SLC9C1: variants seen among roughly 807,000 people sequenced by gnomAD.
SLC9C1 encodes the protein solute carrier family 9 member C1, also known as sodium/hydrogen exchanger 10.
Under a neutral mutation model 140.9 loss-of-function variants are expected in SLC9C1, and 97 were observed. That is an observed-to-expected ratio of 0.69 (90% CI 0.58 to 0.82). The LOEUF (loss-of-function observed/expected upper bound fraction) is 0.82, where lower values mean the gene tolerates loss of function less well. SLC9C1 is among the 40% of genes least tolerant of loss of function. SLC9C1 has a pLI of 0.00. For synonymous variants in SLC9C1, 440 were observed against 442.6 expected (o/e 0.99, Z 0.07); for missense variants, 1,340 against 1,389.3 (o/e 0.96, Z 0.56).
chr3:112,166,669 T>C (rs1011124833), intron 26 of SLC9C1, among the ~76,000 whole-genome samples: 2 of 152,148 alleles, frequency 1.3e-5, no homozygotes, highest in Admixed American at 6.5e-5. Context: ...ATCAATTAAA[T>C]TCTATTATTA....
intron 10 of SLC9C1, among the ~76,000 whole-genome samples, 189 bp from the exon 11 acceptor site, chr3:112,244,265 A>C (rs111744024): frequency 4.6e-4 from 70 of 152,320 alleles, no homozygotes; most frequent in African/African-American, 1.6e-3. Flanking sequence ...ATCTTCCTGC[A>C]TGTAATTCAT....
chr3:112,173,350 C>G (rs549242476), intron 23 of SLC9C1, among the ~76,000 whole-genome samples: 1 of 152,190 alleles, frequency 6.6e-6, no homozygotes, highest in Admixed American at 6.5e-5. Flanking sequence ...TCGCAGGGAT[C>G]TGGTGTACAG....
intron 7 of SLC9C1, among the ~76,000 whole-genome samples, chr3:112,266,557 C>T (rs1487316169): frequency 6.6e-6 from 1 of 152,128 alleles, no homozygotes; most frequent in Non-Finnish European, 1.5e-5. Context: ...ATAAAGCCTA[C>T]TATGGGCATC....
At chr3:112,265,438 T>C (rs1479164785) in intron 8 of SLC9C1, among the ~76,000 whole-genome samples, 1 of 152,178 alleles carries the variant, frequency 6.6e-6, no homozygotes, top group Non-Finnish European at 1.5e-5. Context: ...CATGGAATTT[T>C]ATTGAAGTGC....
rs1478522887 is a variant in SLC9C1 at position 112,192,044 on chromosome 3, C to A, written c.2523+7277G>T. On this transcript the variant is annotated intron_variant, in intron 20 of 28. Transcript: ENST00000305815. ...TCTTAATATTTAGTAGAGCAAACAT[C>A]CCTCTCACTGTTTTTTTCCATTTTT... Among the ~76,000 whole-genome samples, 5 of 144,682 alleles carry A rather than the reference C, an allele frequency of 3.5e-5. No individual in the cohort carries two copies. In the East Asian group the frequency reaches 1.1e-3, roughly 31 times the overall value. 94.9% of individuals were successfully genotyped at this position (144,682 alleles called of 152,430 possible).
At chr3:112,284,995 T>C (rs1012595332) in intron 2 of SLC9C1, among the ~76,000 whole-genome samples, 1 of 140,524 alleles carries the variant, frequency 7.1e-6, no homozygotes, top group African/African-American at 2.6e-5. Context: ...CTTTTTTTTT[T>C]TTTTTTTTTG....
At position 112,208,360 on chromosome 3, in the gene SLC9C1, G is replaced by GA. The variant is rs750369499; in HGVS notation, c.1803dup (p.Arg602SerfsTer10). The GA allele has an allele frequency of 2.1e-5, 33 of 1,540,422 alleles. No individual in the cohort carries two copies. Among genetic ancestry groups the GA allele is most frequent in the Non-Finnish European group, 1.7e-5 (20 of 1,145,044 alleles). ...GTAAATACTATTGTATGGCATATAC[G>GA]AAAAAAGAAGTATCTGTAAAACAAA... is the stretch of plus-strand genomic sequence containing the variant. On this transcript the variant is annotated frameshift_variant, in exon 16 of 29. Coordinates refer to ENST00000305815, the MANE Select transcript of SLC9C1 (RefSeq NM_183061.3). LOFTEE classifies it high-confidence loss of function.
At chr3:112,185,738 C>T in intron 20 of SLC9C1, 1 of 1,538,776 alleles carries the variant, frequency 6.5e-7, no homozygotes, top group Non-Finnish European at 8.7e-7. Flanking sequence ...TGCTGAGCCC[C>T]CGGCCTGCCG....
chr3:112,293,617 G>T (rs561952759), intron 1 of SLC9C1, among the ~76,000 whole-genome samples: 38 of 152,264 alleles, frequency 2.5e-4, no homozygotes, highest in African/African-American at 8.7e-4. Context: ...TGTCTCCTTA[G>T]TAAACTCTCC....
chr3:112,159,788 A>G (rs529881502), intron 26 of SLC9C1, among the ~76,000 whole-genome samples: 7 of 151,512 alleles, frequency 4.6e-5, no homozygotes, highest in Non-Finnish European at 1.0e-4. Context: ...CTCTTGTTTA[A>G]TTGACCCTTT....
intron 28 of SLC9C1, among the ~76,000 whole-genome samples, chr3:112,147,306 T>A (rs755913906): frequency 7.9e-5 from 12 of 152,242 alleles, no homozygotes; most frequent in Non-Finnish European, 1.6e-4. Context: ...CATATTGATA[T>A]GTAATTTTGA....
chr3:112,212,672 A>T (rs766281639), intron 15 of SLC9C1, among the ~76,000 whole-genome samples: 3 of 152,214 alleles, frequency 2.0e-5, no homozygotes, highest in Non-Finnish European at 4.4e-5. Context: ...AGTAAAAAGA[A>T]ATGAATAAAG....
intron 6 of SLC9C1, among the ~76,000 whole-genome samples, chr3:112,274,691 A>C (rs2080166854): frequency 6.6e-6 from 1 of 152,168 alleles, no homozygotes; most frequent in Admixed American, 6.6e-5. Context: ...CATCTTCATG[A>C]AGAGTCTCAA....
intron 26 of SLC9C1, among the ~76,000 whole-genome samples, chr3:112,166,973 T>A (rs1261106787): frequency 6.6e-6 from 1 of 152,158 alleles, no homozygotes; most frequent in Non-Finnish European, 1.5e-5. Flanking sequence ...AGTAATTCCC[T>A]CATTAACCTT....
intron 15 of SLC9C1, among the ~76,000 whole-genome samples, chr3:112,208,900 G>A (rs981657898): frequency 9.2e-5 from 14 of 152,060 alleles, no homozygotes; most frequent in African/African-American, 3.1e-4. Context: ...ATAAAATTGG[G>A]ATCAAAGCCT....
chr3:112,162,125 C>A (rs1409455170), intron 26 of SLC9C1, among the ~76,000 whole-genome samples: 5 of 152,040 alleles, frequency 3.3e-5, no homozygotes, highest in Non-Finnish European at 7.4e-5. Context: ...GATTTTGTAT[C>A]CTGAGACTTT....
intron 11 of SLC9C1, among the ~76,000 whole-genome samples, chr3:112,243,601 C>T (rs1052295257): frequency 1.3e-5 from 2 of 151,936 alleles, no homozygotes; most frequent in African/African-American, 4.8e-5. Context: ...CAGCATCACA[C>T]AATATACCCA....
chr3:112,255,206 A>T (rs2079571941), intron 10 of SLC9C1, among the ~76,000 whole-genome samples: 1 of 152,180 alleles, frequency 6.6e-6, no homozygotes, highest in African/African-American at 2.4e-5. Flanking sequence ...GATATTCAGG[A>T]TCTGAACTCA....
intron 10 of SLC9C1, among the ~76,000 whole-genome samples, chr3:112,250,590 T>C (rs991827247): frequency 2.6e-5 from 4 of 152,116 alleles, no homozygotes; most frequent in African/African-American, 9.7e-5. Context: ...TCTATGGTTT[T>C]TCACAACTCA....
Sources: gnomAD v4.1 joint callset for allele counts (sites outside exome capture counted in the v4.1 genomes callset) on GRCh38, gnomAD v4.1.1 for gene constraint, MANE v1.5 for transcripts, NCBI Gene and HGNC (gene_info 2026-07-23, HGNC 2026-07-21) for gene names.